The following ZFR variants were observed in gnomAD, a reference collection of about 807,000 sequenced individuals.
ZFR encodes zinc finger RNA binding protein, also known as zinc finger RNA-binding protein.
In ZFR, 19 loss-of-function variants were observed where a neutral mutation model predicts 130.7. The observed-to-expected ratio is 0.15, with a 90% CI of 0.10 to 0.21. ZFR has a LOEUF of 0.21. Ranked by LOEUF, ZFR falls within the 10% of genes least tolerant of loss-of-function variation. The pLI is 1.00. For missense variants in ZFR, 872 were observed against 1,321.5 expected (o/e 0.66, Z 5.27); for synonymous variants, 466 against 456.9 (o/e 1.02, Z -0.25).
intron 17 of ZFR, among the ~76,000 whole-genome samples, chr5:32,376,924 A>T (rs1338750101): frequency 6.7e-6 from 1 of 148,220 alleles, no homozygotes; most frequent in Non-Finnish European, 1.5e-5. Flanking sequence ...GGCTGCAGTG[A>T]GCTGAGATCA....
Position 32,365,535 on chromosome 5 carries a change from G to A in ZFR, c.2836-1260C>T, listed in dbSNP as rs568105169. ...AAATTAAGACAGCTCAGTTTATTCC[G>A]TTGAAGAATGCAGGAAGATGTTCAA... On this transcript the variant is annotated intron_variant, in intron 17 of 19. Coordinates refer to ENST00000265069, the MANE Select transcript of ZFR (RefSeq NM_016107.5). Among the ~76,000 whole-genome samples the A allele has an allele frequency of 1.7e-4, 26 of 152,140 alleles. No individual in the cohort carries two copies. In the South Asian group the frequency reaches 2.9e-3, roughly 17 times the overall value.
intron 9 of ZFR, among the ~76,000 whole-genome samples, chr5:32,397,880 T>C (rs1753354358): frequency 1.1e-5 from 1 of 89,098 alleles, no homozygotes; most frequent in Non-Finnish European, 2.2e-5. Context: ...TTTTTTGAGA[T>C]GGAGTCTTGC....
chr5:32,416,212 A>ATTC (rs1321048025), intron 4 of ZFR, among the ~76,000 whole-genome samples: 2 of 152,266 alleles, frequency 1.3e-5, no homozygotes, highest in African/African-American at 4.8e-5. Context: ...TACCAGAGTT[A>ATTC]GACTAAATCA....
intron 4 of ZFR, 107 bp from the exon 5 acceptor site, chr5:32,415,294 T>A: frequency 2.0e-6 from 2 of 976,354 alleles, no homozygotes; most frequent in Non-Finnish European, 3.0e-6. Context: ...TCATTAACTA[T>A]AAATTTTATG....
At chr5:32,390,185 A>T (rs1226755033) in intron 12 of ZFR, 90 bp downstream of exon 12, 18 of 1,454,468 alleles carry the variant, frequency 1.2e-5, no homozygotes, top group Non-Finnish European at 1.3e-5. Flanking sequence ...AAGATTATTA[A>T]GTCTAAACAT....
intron 8 of ZFR, 100 bp from the exon 9 acceptor site, chr5:32,400,303 T>G: frequency 1.2e-6 from 1 of 850,424 alleles, no homozygotes; most frequent in Non-Finnish European, 1.7e-6. Flanking sequence ...CTGCTAATAG[T>G]CAAACTCCTA....
chr5:32,443,112 T>C (rs1228797979), intron 2 of ZFR, among the ~76,000 whole-genome samples: 3 of 151,562 alleles, frequency 2.0e-5, no homozygotes, highest in Non-Finnish European at 4.4e-5. Context: ...AATGATGCCC[T>C]TTCCATTAAA....
At chr5:32,390,652 AAGT>A (rs1213950227) in intron 11 of ZFR, among the ~76,000 whole-genome samples, 1 of 152,194 alleles carries the variant, frequency 6.6e-6, no homozygotes, top group Non-Finnish European at 1.5e-5. Flanking sequence ...CCTGAGGAAA[AAGT>A]AAAAAGAACA....
chr5:32,403,531 T>C, intron 7 of ZFR, 134 bp from the exon 8 acceptor site: 2 of 1,042,446 alleles, frequency 1.9e-6, no homozygotes, highest in Admixed American at 5.5e-5. Context: ...TTTTTGTATA[T>C]ACACACATAT....
At chr5:32,359,746 C>T (rs1752390111) in intron 19 of ZFR, among the ~76,000 whole-genome samples, 1 of 152,182 alleles carries the variant, frequency 6.6e-6, no homozygotes, top group African/African-American at 2.4e-5. Flanking sequence ...GTCAGGAGTT[C>T]GACACCAGCC....
At chr5:32,371,863 G>GA (rs758339856) in intron 17 of ZFR, among the ~76,000 whole-genome samples, 297 of 140,838 alleles carry the variant, frequency 2.1e-3, no homozygotes, top group Middle Eastern at 7.2e-3. Flanking sequence ...TAGAGGTAGG[G>GA]AAAAAAAAAA....
intron 12 of ZFR, among the ~76,000 whole-genome samples, chr5:32,389,172 A>G (rs1753105922): frequency 6.6e-6 from 1 of 152,088 alleles, no homozygotes; most frequent in South Asian, 2.1e-4. Context: ...CAAGATGCAG[A>G]TTTTTCCTAT....
chr5:32,380,950 C>T (rs1752923408), intron 15 of ZFR, among the ~76,000 whole-genome samples: 1 of 151,910 alleles, frequency 6.6e-6, no homozygotes, highest in Non-Finnish European at 1.5e-5. Flanking sequence ...GCGCCCGGCC[C>T]AAAACAGGCA....
chr5:32,407,446 G>GT (rs1475756214), intron 5 of ZFR, among the ~76,000 whole-genome samples: 14 of 150,820 alleles, frequency 9.3e-5, no homozygotes, highest in African/African-American at 3.2e-4. Flanking sequence ...ACTCATGAAA[G>GT]TAAGATTTGA....
chr5:32,356,745 A>G (rs1752323107), intron 19 of ZFR, among the ~76,000 whole-genome samples: 1 of 152,074 alleles, frequency 6.6e-6, no homozygotes, highest in African/African-American at 2.4e-5. Flanking sequence ...ACTGTATTAC[A>G]ATGAATGCTT....
At chr5:32,381,070 A>G (rs1407109075) in intron 15 of ZFR, among the ~76,000 whole-genome samples, 1 of 152,102 alleles carries the variant, frequency 6.6e-6, no homozygotes, top group East Asian at 1.9e-4. Flanking sequence ...AAAATGATAA[A>G]AGAGAAACAA....
intron 2 of ZFR, among the ~76,000 whole-genome samples, chr5:32,422,714 C>T (rs981105574): frequency 1.5e-5 from 2 of 136,516 alleles, no homozygotes; most frequent in East Asian, 2.3e-4. Flanking sequence ...GTGGGAGGAT[C>T]GCTTGAGCAG....
chr5:32,399,759 C>A (rs1423251637), intron 9 of ZFR, among the ~76,000 whole-genome samples: 2 of 152,046 alleles, frequency 1.3e-5, no homozygotes, highest in East Asian at 3.8e-4. Context: ...TAGAAAGTTA[C>A]TTTGCACACC....
intron 19 of ZFR, among the ~76,000 whole-genome samples, chr5:32,359,747 G>A (rs768827985): frequency 4.6e-5 from 7 of 152,092 alleles, no homozygotes; most frequent in Non-Finnish European, 7.4e-5. Context: ...TCAGGAGTTC[G>A]ACACCAGCCT....
Sources: gnomAD v4.1 joint callset for allele counts (sites outside exome capture counted in the v4.1 genomes callset) on GRCh38, gnomAD v4.1.1 for gene constraint, MANE v1.5 for transcripts, NCBI Gene and HGNC (gene_info 2026-07-23, HGNC 2026-07-21) for gene names.